Variants in SLC12A1 observed in about 807,000 individuals in gnomAD.
The protein encoded by SLC12A1 is solute carrier family 12 member 1.
A neutral mutation model predicts 130.4 loss-of-function variants in SLC12A1; 89 were observed. That is an observed-to-expected ratio of 0.68 (90% CI 0.58 to 0.81). The LOEUF (loss-of-function observed/expected upper bound fraction) is 0.81. Among genes scored for constraint, SLC12A1 ranks in the 40% least tolerant of loss-of-function variants. The pLI is 0.00. For missense variants in SLC12A1, 1,310 were observed against 1,336.4 expected (o/e 0.98, Z 0.31); for synonymous variants, 499 against 460.0 (o/e 1.08, Z -1.09).
chr15:48,282,048 T>G (rs1402643720), intron 20 of SLC12A1, among the ~76,000 whole-genome samples: 1 of 151,562 alleles, frequency 6.6e-6, no homozygotes, highest in African/African-American at 2.4e-5. Context: ...AAGGAAGGAG[T>G]GCACAGAAGG....
At chr15:48,291,980 A>T in intron 24 of SLC12A1, 116 bp downstream of exon 24, 1 of 672,004 alleles carries the variant, frequency 1.5e-6, no homozygotes, top group Non-Finnish European at 2.6e-6. Flanking sequence ...TCTTGATAGG[A>T]TCTAATAAGA....
intron 18 of SLC12A1, among the ~76,000 whole-genome samples, chr15:48,268,459 T>C (rs2041857743): frequency 6.6e-6 from 1 of 152,182 alleles, no homozygotes; most frequent in Non-Finnish European, 1.5e-5. Flanking sequence ...GCATTTGGCT[T>C]TCAGAGTTAC....
chr15:48,235,090 C>T (rs2041425511), intron 9 of SLC12A1, 86 bp downstream of exon 9: 2 of 1,326,734 alleles, frequency 1.5e-6, no homozygotes, highest in Non-Finnish European at 2.2e-6. Context: ...TAGATGTGAC[C>T]ATATTACCCT....
chr15:48,285,641 C>T (rs2042048830), intron 21 of SLC12A1, among the ~76,000 whole-genome samples: 1 of 152,148 alleles, frequency 6.6e-6, no homozygotes, highest in Non-Finnish European at 1.5e-5. Flanking sequence ...AACTGAAATA[C>T]GACTAGTACA....
At chr15:48,241,456 G>A (rs1161334849) in intron 9 of SLC12A1, 59 bp from the exon 10 acceptor site, 29 of 1,299,226 alleles carry the variant, frequency 2.2e-5, no homozygotes, top group Non-Finnish European at 2.3e-5. Flanking sequence ...ATAACTCCAA[G>A]TGATCTATGG....
intron 5 of SLC12A1, 193 bp from the exon 6 acceptor site, chr15:48,228,996 T>C (rs985850768): frequency 7.6e-5 from 38 of 499,806 alleles, no homozygotes; most frequent in African/African-American, 1.2e-4. Context: ...GATACTTCTA[T>C]TGTAGATTAA....
chr15:48,247,428 C>T lies in SLC12A1; in HGVS notation c.1652C>T (p.Thr551Ile), dbSNP rs1186967754. 2.2e-5 allele frequency: 35 copies of T among 1,609,548 alleles called. No homozygotes were observed. The highest frequency in any genetic ancestry group is 6.6e-5 in the South Asian group (6 of 90,844). The part of the protein sequence containing the change: ...NNEPLRGYIL[T>I]FLIAMAFILI... ...GAACCCCTGAGAGGATATATTCTCA[C>T]TTTTCTTATAGCCATGGCATTTATT... is the stretch of plus-strand genomic sequence containing the variant. Residue 551 changes from threonine (T) to isoleucine (I), a missense_variant, in exon 13 of 27, where the codon ACT becomes ATT. Coordinates refer to ENST00000380993, the MANE Select transcript of SLC12A1 (RefSeq NM_000338.3).
At chr15:48,232,697 AT>A in intron 7 of SLC12A1, 29 bp from the exon 8 acceptor site, 1 of 1,303,806 alleles carries the variant, frequency 7.7e-7, no homozygotes, top group Non-Finnish European at 1.1e-6. Context: ...AATAAATCTG[AT>A]TTGGTTTCCT....
intron 9 of SLC12A1, among the ~76,000 whole-genome samples, chr15:48,240,877 TA>T: frequency 6.6e-6 from 1 of 152,306 alleles, no homozygotes; most frequent in East Asian, 1.9e-4. Flanking sequence ...GAACTCAACT[TA>T]GTGAATGTAT....
intron 2 of SLC12A1, among the ~76,000 whole-genome samples, chr15:48,214,290 C>T (rs2041092443): frequency 6.6e-6 from 1 of 152,078 alleles, no homozygotes; most frequent in Admixed American, 6.6e-5. Flanking sequence ...AAAACAAAAA[C>T]AATTAATTTT....
intron 17 of SLC12A1, among the ~76,000 whole-genome samples, chr15:48,264,368 C>T (rs2041808425): frequency 6.6e-6 from 1 of 152,134 alleles, no homozygotes; most frequent in African/African-American, 2.4e-5. Flanking sequence ...TCACAGAAGA[C>T]ACCTACCTCT....
intron 20 of SLC12A1, 45 bp downstream of exon 20, chr15:48,274,698 T>G (rs1049831877): frequency 1.5e-6 from 2 of 1,339,778 alleles, no homozygotes; most frequent in African/African-American, 2.9e-5. Context: ...ATTGAGCACC[T>G]ACTTTGTGCC....
chr15:48,229,304 T>A lies in SLC12A1; in HGVS notation c.840T>A (p.Ala280=), dbSNP rs1338824799. The A allele has an allele frequency of 1.2e-6, 2 of 1,603,848 alleles. No homozygotes were observed. The highest frequency in any genetic ancestry group is 1.7e-6 in the Non-Finnish European group (2 of 1,174,790). ...TTGCTATGTATGTGGTGGGATTTGC[T>A]GAGACTGTAGTAGATCTTCTTAAGG... ...VAVAMYVVGF[A]ETVVDLLKES... is the part of the protein sequence containing the mutation. Residue 280 remains alanine, a synonymous_variant, in exon 6 of 27, where the codon GCT becomes GCA. Coordinates refer to ENST00000380993, the MANE Select transcript of SLC12A1 (RefSeq NM_000338.3).
In SLC12A1 at chr15:48,247,023, C is replaced by A. The variant is rs925906411; in HGVS notation, c.1560+7C>A. The A allele has an allele frequency of 6.3e-7, 1 of 1,590,304 alleles. No individual in the cohort carries two copies. The highest frequency in any genetic ancestry group is 1.1e-5 in the South Asian group (1 of 90,644). On this transcript the variant is annotated splice_region_variant and intron_variant, in intron 12 of 26. Transcript: ENST00000380993. The stretch of plus-strand genomic sequence containing the variant: ...CGCACCCAAAGTGTTCCAGGTAATA[C>A]AAGCACAACAGCTTGTGCTTCTCCC...
At chr15:48,255,205 C>T (rs1597432267) in intron 15 of SLC12A1, among the ~76,000 whole-genome samples, 1 of 152,220 alleles carries the variant, frequency 6.6e-6, no homozygotes, top group Non-Finnish European at 1.5e-5. Flanking sequence ...TCTGAGAGAC[C>T]GAGATGGGTG....
intron 14 of SLC12A1, among the ~76,000 whole-genome samples, chr15:48,251,022 G>A (rs1393993948): frequency 6.6e-6 from 1 of 151,990 alleles, no homozygotes; most frequent in East Asian, 1.9e-4. Flanking sequence ...TTAACACATT[G>A]GGTTTAAGAA....
Position 48,256,824 on chromosome 15 carries a change from C to CG in SLC12A1, c.2042+914_2042+915insG, listed in dbSNP as rs962658010. Among the ~76,000 whole-genome samples, 56 of 132,956 alleles carry CG rather than the reference C, an allele frequency of 4.2e-4. 2 individuals carry two copies. The highest frequency in any genetic ancestry group is 1.6e-3 in the African/African-American group (54 of 34,048). 87.2% of individuals were successfully genotyped at this position (132,956 alleles called of 152,430 possible). A position where few individuals can be genotyped will look rare whatever the true frequency, so the allele number is the denominator to read the frequency against. ...CAAACCATATCATTCCATCCCTGGC[C>CG]CCCCCCCCCAAATTTCTTGTCCTCA... On this transcript the variant is annotated intron_variant, in intron 16 of 26. Coordinates refer to ENST00000380993, the MANE Select transcript of SLC12A1 (RefSeq NM_000338.3).
At chr15:48,260,077 G>T (rs1329497243) in intron 17 of SLC12A1, among the ~76,000 whole-genome samples, 1 of 151,928 alleles carries the variant, frequency 6.6e-6, no homozygotes, top group Non-Finnish European at 1.5e-5. Context: ...AGACCATGAC[G>T]ATCATGGCAA....
At chr15:48,232,988 A>C in intron 8 of SLC12A1, 150 bp downstream of exon 8, 1 of 620,216 alleles carries the variant, frequency 1.6e-6, no homozygotes, top group Non-Finnish European at 2.9e-6. Flanking sequence ...AATGGGAAGT[A>C]CGTTGGGGAA....
Sources: allele counts gnomAD v4.1 joint callset (sites outside exome capture counted in the v4.1 genomes callset), GRCh38; gene constraint gnomAD v4.1.1; transcripts MANE v1.5; gene names NCBI Gene and HGNC (gene_info 2026-07-23, HGNC 2026-07-21).